Variants in MITF observed in about 807,000 individuals in gnomAD.
MITF encodes melanocyte inducing transcription factor, also known as microphthalmia-associated transcription factor.
MITF carries 17 observed loss-of-function variants against 60.5 expected under a neutral mutation model. The observed-to-expected ratio is 0.28, with a 90% CI of 0.19 to 0.42. The LOEUF is 0.42. MITF is among the 10% of genes least tolerant of loss of function. The pLI is 1.00. For synonymous variants in MITF, 260 were observed against 248.5 expected, an observed-to-expected ratio of 1.05 and a Z score of -0.43; for missense variants, 622 against 683.5, an observed-to-expected ratio of 0.91 and a Z score of 1.00.
chr3:69,836,439 G>T (rs947689011), intron 1 of MITF, among the ~76,000 whole-genome samples: 2 of 152,182 alleles, frequency 1.3e-5, no homozygotes, highest in African/African-American at 4.8e-5. Context: ...TTAACCAGAT[G>T]TCTGGTAGGT....
At chr3:69,849,336 T>A (rs2063787957) in intron 1 of MITF, among the ~76,000 whole-genome samples, 1 of 152,144 alleles carries the variant, frequency 6.6e-6, no homozygotes, top group African/African-American at 2.4e-5. Flanking sequence ...AATTAAGGAT[T>A]TCAGTTACGG....
At chr3:69,889,025 G>GTTTTTTTTT (rs4057977) in intron 2 of MITF, among the ~76,000 whole-genome samples, 31 of 58,818 alleles carry the variant, frequency 5.3e-4, no homozygotes, top group East Asian at 1.8e-3. Context: ...ATAGCCTTTG[G>GTTTTTTTTT]TTTTTTTTTT....
chr3:69,834,086 C>CAT (rs35195464), intron 1 of MITF, among the ~76,000 whole-genome samples: 74,432 of 151,994 alleles, frequency 0.49, 20,184 homozygotes, highest in Non-Finnish European at 0.63. Flanking sequence ...TGTTTTGACA[C>CAT]GTGTGTGTTG....
intron 2 of MITF, chr3:69,936,832 T>A: frequency 1.5e-6 from 2 of 1,322,936 alleles, no homozygotes; most frequent in Non-Finnish European, 2.2e-6. Flanking sequence ...TTTGTTATTG[T>A]AATAGACATA....
intron 1 of MITF, among the ~76,000 whole-genome samples, chr3:69,853,789 A>G (rs1019632532): frequency 2.0e-5 from 3 of 151,572 alleles, no homozygotes; most frequent in African/African-American, 7.3e-5. Flanking sequence ...ATGTAAAGGC[A>G]TATCACTCAT....
intron 2 of MITF, among the ~76,000 whole-genome samples, chr3:69,892,012 C>A (rs1342361821): frequency 6.6e-6 from 1 of 152,184 alleles, no homozygotes; most frequent in Non-Finnish European, 1.5e-5. Context: ...TTTCCAGGAA[C>A]TCTGAGGGTC....
intron 1 of MITF, among the ~76,000 whole-genome samples, chr3:69,817,039 T>C (rs2063192718): frequency 6.6e-6 from 1 of 152,168 alleles, no homozygotes; most frequent in Non-Finnish European, 1.5e-5. Flanking sequence ...ATTGATGACT[T>C]CTGGGTGTGG....
chr3:69,956,394 A>T, intron 7 of MITF, 61 bp from the exon 8 acceptor site: 6 of 1,292,798 alleles, frequency 4.6e-6, no homozygotes, highest in Non-Finnish European at 6.8e-6. Flanking sequence ...CTTTAATGAG[A>T]TGTGCTAAAT....
At position 69,763,590 on chromosome 3, in the gene MITF, G is replaced by A. The variant is rs886250111; in HGVS notation, c.104+23889G>A. ...TTCCTAGTGTTGAGAGAAGGTGCAC[G>A]TAAGCGTGTGGCAGAACGTCTGCAA... On this transcript the variant is annotated intron_variant, in intron 1 of 9. Coordinates refer to ENST00000352241, the MANE Select transcript of MITF (RefSeq NM_001354604.2). The A allele has an allele frequency of 2.3e-5, 27 of 1,196,510 alleles. No individual in the cohort carries two copies. The African/African-American group carries it at 2.7e-4, about 12-fold the overall frequency. 74.1% of individuals were successfully genotyped at this position (1,196,510 alleles called of 1,614,324 possible).
At chr3:69,873,733 C>T (rs2064289497) in intron 1 of MITF, among the ~76,000 whole-genome samples, 1 of 152,124 alleles carries the variant, frequency 6.6e-6, no homozygotes, top group African/African-American at 2.4e-5. Flanking sequence ...GTATTCTGGT[C>T]TAAGAATTAG....
intron 2 of MITF, among the ~76,000 whole-genome samples, chr3:69,885,473 A>G (rs999200685): frequency 6.6e-6 from 1 of 151,984 alleles, no homozygotes; most frequent in Admixed American, 6.6e-5. Context: ...CTGACTCTGA[A>G]TGGTAATTTC....
Position 69,965,449 on chromosome 3 carries a change from C to A in MITF, c.*201C>A. On this transcript the variant is annotated 3_prime_UTR_variant, in exon 10 of 10. Coordinates refer to ENST00000352241, the MANE Select transcript of MITF (RefSeq NM_001354604.2). ...TATTCTATTTTACAACTACAAATGC[C>A]TCCAAAGTATTGTACAAATAAGTGT... 1.8e-6 allele frequency: 1 copy of A among 561,744 alleles called. No homozygotes were observed. The highest frequency in any genetic ancestry group is 3.1e-6 in the Non-Finnish European group (1 of 318,890). The allele number at this position is 561,744 out of a possible 1,614,324, so 34.8% of individuals were successfully genotyped here.
At chr3:69,858,046 G>A (rs1278973646) in intron 1 of MITF, among the ~76,000 whole-genome samples, 1 of 151,778 alleles carries the variant, frequency 6.6e-6, no homozygotes, top group African/African-American at 2.4e-5. Context: ...GTTTTTTTAG[G>A]CATTATTTTT....
chr3:69,939,806 T>A (rs554121799), intron 4 of MITF, among the ~76,000 whole-genome samples: 9 of 152,312 alleles, frequency 5.9e-5, no homozygotes, highest in African/African-American at 1.7e-4. Context: ...AAAAATATTT[T>A]AAAAATGCTA....
intron 2 of MITF, among the ~76,000 whole-genome samples, chr3:69,919,117 G>C (rs1488312446): frequency 6.6e-6 from 1 of 152,090 alleles, no homozygotes; most frequent in East Asian, 1.9e-4. Flanking sequence ...TACCAAAACG[G>C]GGAGAAGAAA....
chr3:69,961,862 A>G (rs2066558058), intron 9 of MITF, among the ~76,000 whole-genome samples: 1 of 152,248 alleles, frequency 6.6e-6, no homozygotes, highest in Non-Finnish European at 1.5e-5. Flanking sequence ...CATATGAAAT[A>G]CGAATATTGT....
intron 1 of MITF, among the ~76,000 whole-genome samples, chr3:69,830,220 A>C (rs1180585936): frequency 6.6e-6 from 1 of 152,124 alleles, no homozygotes; most frequent in Non-Finnish European, 1.5e-5. Context: ...TACAGTGGCC[A>C]CAAGAGCCTT....
At chr3:69,950,008 G>C (rs1311091785) in intron 6 of MITF, among the ~76,000 whole-genome samples, 1 of 152,028 alleles carries the variant, frequency 6.6e-6, no homozygotes, top group Non-Finnish European at 1.5e-5. Context: ...GCAGGAGAAA[G>C]ATGTTTTTTA....
At chr3:69,920,150 G>A (rs955928872) in intron 2 of MITF, among the ~76,000 whole-genome samples, 1 of 152,172 alleles carries the variant, frequency 6.6e-6, no homozygotes, top group Non-Finnish European at 1.5e-5. Context: ...ACAAGAGTGC[G>A]AGCCTTCTGT....
Sources: gnomAD v4.1 joint callset for allele counts (sites outside exome capture counted in the v4.1 genomes callset) on GRCh38, gnomAD v4.1.1 for gene constraint, MANE v1.5 for transcripts, NCBI Gene and HGNC (gene_info 2026-07-23, HGNC 2026-07-21) for gene names.